Variants in CBR4 observed in about 807,000 individuals in gnomAD.
CBR4 encodes the protein carbonyl reductase 4.
In CBR4, 22 loss-of-function variants were observed where a neutral mutation model predicts 21.0. The ratio of observed to expected loss-of-function variants is 1.05; its 90% CI spans 0.75 to 1.50. CBR4 has a LOEUF of 1.50. CBR4 is among the 40% of genes most tolerant of loss of function. The pLI is 0.00. For missense variants in CBR4, 302 were observed against 286.3 expected, an observed-to-expected ratio of 1.05 and a Z score of -0.40; for synonymous variants, 100 against 104.4, an observed-to-expected ratio of 0.96 and a Z score of 0.26.
chr4:168,905,138 G>GTTTTT (rs777740588), intron 2 of CBR4, among the ~76,000 whole-genome samples: 2 of 34,524 alleles, frequency 5.8e-5, no homozygotes, highest in African/African-American at 1.5e-4. Context: ...TGTTTTGTTG[G>GTTTTT]TTTTTTTTTT....
chr4:168,899,776 G>T (rs1756056259), intron 2 of CBR4, among the ~76,000 whole-genome samples: 1 of 152,142 alleles, frequency 6.6e-6, no homozygotes, highest in African/African-American at 2.4e-5. Flanking sequence ...AATTAGCTGG[G>T]CATGGTGGTG....
chr4:168,990,254 C>G lies in CBR4; in HGVS notation c.610G>C (p.Gly204Arg). 1 of 1,613,610 alleles carries G rather than the reference C, an allele frequency of 6.2e-7. No homozygotes were observed. The highest frequency in any genetic ancestry group is 1.1e-5 in the South Asian group (1 of 91,042). ...LKKNIPLGRF[G>R]ETIEVAHAVV... ...GCATGTGCCACCTCAATAGTTTCTC[C>G]AAACCTCCCAAGAGGAATATTTTTC... is the stretch of plus-strand genomic sequence containing the variant. Residue 204 changes from glycine (G) to arginine (R), a missense_variant, in exon 5 of 5, where the codon GGA becomes CGA. Physicochemically the swap from Gly to Arg is moderately radical, Grantham distance 125. Transcript: ENST00000306193.
At chr4:168,906,699 A>G (rs1757876264) in intron 2 of CBR4, among the ~76,000 whole-genome samples, 1 of 152,214 alleles carries the variant, frequency 6.6e-6, no homozygotes, top group African/African-American at 2.4e-5. Flanking sequence ...ATCATGGCTC[A>G]CTGCAGCTTA....
chr4:168,996,876 A>T (rs1176451203), intron 4 of CBR4, among the ~76,000 whole-genome samples: 1 of 152,188 alleles, frequency 6.6e-6, no homozygotes, highest in Non-Finnish European at 1.5e-5. Flanking sequence ...TTCATTTATA[A>T]ATATATTCAC....
chr4:168,941,290 C>T (rs966473012), intron 2 of CBR4, among the ~76,000 whole-genome samples: 15 of 151,978 alleles, frequency 9.9e-5, no homozygotes, highest in Non-Finnish European at 2.2e-4. Flanking sequence ...CAAACCTGCA[C>T]GTTCTGATGT....
At chr4:168,904,597 T>C (rs1430912605) in intron 2 of CBR4, among the ~76,000 whole-genome samples, 1 of 152,156 alleles carries the variant, frequency 6.6e-6, no homozygotes, top group Non-Finnish European at 1.5e-5. Flanking sequence ...AAAAAGTTAT[T>C]TTGTACCTTA....
intron 2 of CBR4, among the ~76,000 whole-genome samples, chr4:168,948,948 CT>C (rs1354801876): frequency 6.6e-6 from 1 of 152,158 alleles, no homozygotes; most frequent in Non-Finnish European, 1.5e-5. Flanking sequence ...CTGTAGACTG[CT>C]TTTGGCAGTA....
chr4:169,009,059 C>CAAAAAAAAAAAAAAAAAACAAAAAAAAA, intron 1 of CBR4: 1 of 359,598 alleles, frequency 2.8e-6, no homozygotes, highest in Non-Finnish European at 5.2e-6. Flanking sequence ...GAAGCCCTCT[C>CAAAAAAAAAAAAAAAAAACAAAAAAAAA]AAAAAAAAAA....
chr4:168,924,508 T>C (rs1248944359), intron 2 of CBR4: 15 of 1,258,566 alleles, frequency 1.2e-5, no homozygotes, highest in Middle Eastern at 1.9e-4. Flanking sequence ...TGGAAATCTA[T>C]GTGTAAAAGC....
At chr4:168,963,530 G>T (rs371295088) in intron 2 of CBR4, among the ~76,000 whole-genome samples, 40 of 150,820 alleles carry the variant, frequency 2.7e-4, no homozygotes, top group African/African-American at 8.8e-4. Flanking sequence ...GAGTCCTATG[G>T]TGTGATCTCA....
In CBR4 at chr4:168,940,541, T is replaced by G. The variant is rs1484828686; in HGVS notation, n.170-45776A>C. Among the ~76,000 whole-genome samples, 4 of 151,962 alleles carry G rather than the reference T, an allele frequency of 2.6e-5. No homozygotes were observed. The East Asian group carries it at 7.7e-4, about 29-fold the overall frequency. On this transcript the variant is annotated intron_variant and non_coding_transcript_variant, in intron 2 of 3. Transcript: ENST00000509108. ...GGAGAAAATCTTTGCAATCTACCCA[T>G]CTGACAAAGGGCTAATGTCCAGAAT...
chr4:168,965,169 G>A (rs1763981774), intron 2 of CBR4, among the ~76,000 whole-genome samples: 1 of 152,040 alleles, frequency 6.6e-6, no homozygotes, highest in Non-Finnish European at 1.5e-5. Context: ...ACTACAAAGA[G>A]AATAAAATAC....
intron 2 of CBR4, among the ~76,000 whole-genome samples, chr4:168,911,736 A>C (rs184993219): frequency 1.7e-3 from 262 of 152,322 alleles, no homozygotes; most frequent in African/African-American, 5.7e-3. Flanking sequence ...ATCTGTATCA[A>C]GTGGCCTGTG....
chr4:168,896,826 T>G lies in CBR4; in HGVS notation n.170-2061A>C, dbSNP rs144802879. Among the ~76,000 whole-genome samples, 697 of 151,908 alleles carry G rather than the reference T, an allele frequency of 4.6e-3. 8 individuals carry two copies. The highest frequency in any genetic ancestry group is 0.016 in the African/African-American group (655 of 41,484). Reference sequence around the variant, plus strand: ...ATTTATTTATTTTTACTTTATGTATTTATTTATTTATTTATTTATTTTGAG... The same window carrying G: ...ATTTATTTATTTTTACTTTATGTATGTATTTATTTATTTATTTATTTTGAG... On this transcript the variant is annotated intron_variant and non_coding_transcript_variant, in intron 2 of 3. Coordinates refer to the CBR4 transcript ENST00000509108.
chr4:168,963,032 T>C (rs1763909540), intron 2 of CBR4, among the ~76,000 whole-genome samples: 1 of 152,154 alleles, frequency 6.6e-6, no homozygotes, highest in African/African-American at 2.4e-5. Context: ...GAACCTATCA[T>C]TCAGATAGTT....
rs138681952 is a variant in CBR4, at chr4:168,990,174, A to G, written c.690T>C (p.Asp230=). ...ATTACAAAATGAGTTGTAATCCCCC[A>G]TCCACTACCAGAACATGCCCTGTAA... ...PYITGHVLVV[D]GGLQLIL is the part of the protein sequence containing the mutation. Residue 230 remains aspartate, a synonymous_variant, in exon 5 of 5, where the codon GAT becomes GAC. Transcript: ENST00000306193. The G allele has an allele frequency of 6.2e-7, 1 of 1,607,270 alleles. No homozygotes were observed. Among genetic ancestry groups the G allele is most frequent in the Non-Finnish European group, 8.5e-7 (1 of 1,177,052 alleles).
Position 168,924,245 on chromosome 4 carries a change from GT to G in CBR4, n.170-29481del, listed in dbSNP as rs755470870. On this transcript the variant is annotated intron_variant and non_coding_transcript_variant, in intron 2 of 3. Transcript: ENST00000509108. ...ATCATTGATAGAGAATTCATCTCAT[GT>G]TTTCTTAGCTAAAGAAGCACACAAA... is the stretch of plus-strand genomic sequence containing the variant. The G allele has an allele frequency of 6.2e-6, 10 of 1,612,642 alleles. No individual in the cohort carries two copies. Among genetic ancestry groups the G allele is most frequent in the Non-Finnish European group, 8.5e-6 (10 of 1,178,828 alleles).
downstream of CBR4, among the ~76,000 whole-genome samples, chr4:168,986,746 C>G (rs1009018419): frequency 2.6e-5 from 4 of 152,034 alleles, no homozygotes; most frequent in African/African-American, 9.7e-5. Flanking sequence ...AGTTCAAGAC[C>G]AGCCTGGGTG....
chr4:169,002,008 A>G, intron 4 of CBR4, 63 bp downstream of exon 4: 1 of 1,329,658 alleles, frequency 7.5e-7, no homozygotes, highest in Non-Finnish European at 1.0e-6. Context: ...TAATGTTCCA[A>G]ATAATGGCTT....
Sources: gnomAD v4.1 joint callset for allele counts (sites outside exome capture counted in the v4.1 genomes callset) on GRCh38, gnomAD v4.1.1 for gene constraint, MANE v1.5 for transcripts, NCBI Gene and HGNC (gene_info 2026-07-23, HGNC 2026-07-21) for gene names.